ATP6V0E1: variants seen among roughly 807,000 people sequenced by gnomAD.
ATP6V0E1 encodes V-type proton ATPase subunit e 1.
A neutral mutation model predicts 11.6 loss-of-function variants in ATP6V0E1; 4 were observed. The observed-to-expected ratio is 0.35, with a 90% CI of 0.17 to 0.79. The LOEUF (loss-of-function observed/expected upper bound fraction) is 0.79, where lower values mean the gene tolerates loss of function less well. ATP6V0E1 is among the 30% of genes least tolerant of loss of function. ATP6V0E1 has a pLI of 0.54. For synonymous variants in ATP6V0E1, 36 were observed against 34.8 expected (o/e 1.04, Z -0.13); for missense variants, 105 against 100.0 (o/e 1.05, Z -0.21).
At chr5:173,025,516 T>TC (rs1392411406) in intron 3 of ATP6V0E1, among the ~76,000 whole-genome samples, 2 of 136,056 alleles carry the variant, frequency 1.5e-5, no homozygotes, top group East Asian at 2.0e-4. Flanking sequence ...TTTTTTTTTT[T>TC]TTTTTTTTTT....
intron 2 of ATP6V0E1, among the ~76,000 whole-genome samples, chr5:173,005,489 C>G (rs984315903): frequency 3.9e-5 from 6 of 152,212 alleles, no homozygotes; most frequent in African/African-American, 1.4e-4. Context: ...GCTAGCATTA[C>G]AGGCATGAGC....
chr5:173,031,252 G>GTA (rs2113617531), intron 3 of ATP6V0E1, among the ~76,000 whole-genome samples: 1 of 150,788 alleles, frequency 6.6e-6, no homozygotes, highest in South Asian at 2.1e-4. Context: ...CCTAATTTTT[G>GTA]TATTTTTTTT....
At chr5:172,989,611 C>T (rs1055900862) in intron 1 of ATP6V0E1, among the ~76,000 whole-genome samples, 1 of 151,660 alleles carries the variant, frequency 6.6e-6, no homozygotes, top group East Asian at 1.9e-4. Context: ...ACTACAGCCT[C>T]TGCCTCCCGG....
intron 2 of ATP6V0E1, among the ~76,000 whole-genome samples, chr5:173,002,304 T>G (rs1282848890): frequency 6.6e-6 from 1 of 152,256 alleles, no homozygotes; most frequent in Admixed American, 6.5e-5. Context: ...ATTTTACAGC[T>G]TGCTGGAATC....
Position 172,996,430 on chromosome 5 carries a change from C to T in ATP6V0E1, c.152+1608C>T, listed in dbSNP as rs188441308. ...AAAAAAAATTAGCTGGGCTTGGTGG[C>T]GCACACCTGTAGTCCCAGCTGCTCG... is the stretch of plus-strand genomic sequence containing the variant. On this transcript the variant is annotated intron_variant, in intron 2 of 3. Coordinates refer to ENST00000519374, the MANE Select transcript of ATP6V0E1 (RefSeq NM_003945.4). Among the ~76,000 whole-genome samples the T allele has an allele frequency of 3.4e-3, 519 of 152,046 alleles. 5 individuals are homozygous for T. Among genetic ancestry groups the T allele is most frequent in the African/African-American group, 0.012 (490 of 41,456 alleles).
At chr5:173,011,660 C>T (rs779207734) in intron 2 of ATP6V0E1, among the ~76,000 whole-genome samples, 3 of 152,182 alleles carry the variant, frequency 2.0e-5, no homozygotes, top group South Asian at 2.1e-4. Flanking sequence ...AGATCCATTC[C>T]GGCTCTGCAG....
At chr5:173,001,762 A>G (rs1756159284) in intron 2 of ATP6V0E1, among the ~76,000 whole-genome samples, 1 of 142,630 alleles carries the variant, frequency 7.0e-6, no homozygotes. Flanking sequence ...CTTGTTGTCC[A>G]GGCTAGAGTG....
rs1468109987 is a variant in ATP6V0E1 at position 172,983,893 on chromosome 5, T to A, written c.33T>A (p.Ile11=). ...ATCACGGCCTCACTGTGCCTCTCAT[T>A]GTGATGAGCGTGTTCTGGGGCTTCG... is the stretch of plus-strand genomic sequence containing the variant. MAYHGLTVPL[I]VMSVFWGFVG... The change falls in exon 1 of 4, where the codon ATT becomes ATA. Residue 11 remains isoleucine, a synonymous_variant. Coordinates refer to ENST00000519374, the MANE Select transcript of ATP6V0E1 (RefSeq NM_003945.4). 4 of 1,613,628 alleles carry A rather than the reference T, an allele frequency of 2.5e-6. No homozygotes were observed. The South Asian group carries it at 4.4e-5, about 18-fold the overall frequency.
At chr5:173,021,150 T>C (rs1172735841) in intron 3 of ATP6V0E1, among the ~76,000 whole-genome samples, 1 of 152,070 alleles carries the variant, frequency 6.6e-6, no homozygotes, top group Non-Finnish European at 1.5e-5. Context: ...CCGTGTCATA[T>C]GGCCAGAGAG....
chr5:173,018,067 G>C (rs1310461488), intron 2 of ATP6V0E1, among the ~76,000 whole-genome samples: 3 of 152,062 alleles, frequency 2.0e-5, no homozygotes, highest in Non-Finnish European at 4.4e-5. Context: ...GTGGAAGTTA[G>C]AGGTTCCGAT....
chr5:172,985,117 C>T lies in ATP6V0E1; in HGVS notation c.104+1153C>T, dbSNP rs959849693. 1.4e-3 allele frequency among the ~76,000 whole-genome samples: 207 copies of T among 151,850 alleles called. 1 individual carries two copies. The highest frequency in any genetic ancestry group is 4.7e-3 in the African/African-American group (196 of 41,406). On this transcript the variant is annotated intron_variant, in intron 1 of 3. Transcript: ENST00000519374. ...AAAATTAGCCGGGCGTGGTGGCGGG[C>T]GCCTGTAATCCCAGCTACTCGGGAG...
chr5:172,996,576 T>A (rs1308910471), intron 2 of ATP6V0E1, among the ~76,000 whole-genome samples: 3 of 147,300 alleles, frequency 2.0e-5, no homozygotes, highest in African/African-American at 5.0e-5. Context: ...AAAAAAAAAA[T>A]ACATACATAC....
intron 2 of ATP6V0E1, among the ~76,000 whole-genome samples, chr5:173,017,725 C>T (rs1756424194): frequency 6.6e-6 from 1 of 150,968 alleles, no homozygotes; most frequent in African/African-American, 2.4e-5. Flanking sequence ...CCTGTAATTC[C>T]AGCTACTCAG....
At chr5:172,988,412 A>T (rs1181589213) in intron 1 of ATP6V0E1, among the ~76,000 whole-genome samples, 2 of 152,186 alleles carry the variant, frequency 1.3e-5, no homozygotes, top group African/African-American at 4.8e-5. Context: ...GACCTTGACG[A>T]TTTAGTTAAC....
At chr5:173,028,883 G>A (rs148545027) in intron 3 of ATP6V0E1, among the ~76,000 whole-genome samples, 1 of 152,206 alleles carries the variant, frequency 6.6e-6, no homozygotes, top group Non-Finnish European at 1.5e-5. Flanking sequence ...CTTTCCTACA[G>A]CCTTGTGGGG....
chr5:172,985,595 T>A (rs1755884879), intron 1 of ATP6V0E1, among the ~76,000 whole-genome samples: 1 of 152,224 alleles, frequency 6.6e-6, no homozygotes. Flanking sequence ...TTCAACTGTT[T>A]CATTACCCTA....
chr5:173,015,597 A>ATT (rs1188147688), intron 2 of ATP6V0E1, among the ~76,000 whole-genome samples: 1 of 152,084 alleles, frequency 6.6e-6, no homozygotes, highest in Non-Finnish European at 1.5e-5. Context: ...ACCCAAAAGG[A>ATT]TTGGGTTCTG....
chr5:173,017,403 A>G (rs748752714), intron 2 of ATP6V0E1, among the ~76,000 whole-genome samples: 13 of 151,600 alleles, frequency 8.6e-5, no homozygotes, highest in Non-Finnish European at 1.8e-4. Flanking sequence ...GTGTGGTGGC[A>G]GGCGCCTGTA....
intron 3 of ATP6V0E1, among the ~76,000 whole-genome samples, chr5:173,033,881 T>C (rs918965922): frequency 1.3e-5 from 2 of 150,930 alleles, no homozygotes; most frequent in African/African-American, 2.4e-5. Flanking sequence ...AAAAAAAAGA[T>C]GGTGTTGAAT....
Sources: allele counts gnomAD v4.1 joint callset (sites outside exome capture counted in the v4.1 genomes callset), GRCh38; gene constraint gnomAD v4.1.1; transcripts MANE v1.5; gene names NCBI Gene and HGNC (gene_info 2026-07-23, HGNC 2026-07-21).